Variants in SYT2 observed in about 807,000 individuals in gnomAD.
SYT2 encodes synaptotagmin 2.
SYT2 carries 15 observed loss-of-function variants against 39.9 expected under a neutral mutation model. The observed-to-expected ratio is 0.38, with a 90% CI of 0.25 to 0.58. SYT2 has a LOEUF of 0.58. SYT2 is among the 20% of genes least tolerant of loss of function. The pLI is 0.70. For missense variants in SYT2, 389 were observed against 530.3 expected, an observed-to-expected ratio of 0.73 and a Z score of 2.62; for synonymous variants, 181 against 204.5, an observed-to-expected ratio of 0.89 and a Z score of 0.98.
chr1:202,645,948 T>C (rs1490991232), intron 1 of SYT2, among the ~76,000 whole-genome samples: 1 of 152,202 alleles, frequency 6.6e-6, no homozygotes, highest in African/African-American at 2.4e-5. Flanking sequence ...ACTTGATTCT[T>C]ATCAACTTTC....
At chr1:202,635,709 G>A (rs889093000) in intron 1 of SYT2, among the ~76,000 whole-genome samples, 15 of 152,338 alleles carry the variant, frequency 9.8e-5, no homozygotes, top group African/African-American at 3.4e-4. Context: ...CTGTAGGACA[G>A]TGGGCATCAC....
At chr1:202,691,684 G>GGGGAGAGGGAGA (rs1169874133) in intron 1 of SYT2, among the ~76,000 whole-genome samples, 15 of 49,828 alleles carry the variant, frequency 3.0e-4, no homozygotes, top group African/African-American at 1.4e-3. Flanking sequence ...AGGGAGCGAG[G>GGGGAGAGGGAGA]GGGAGAGGGA....
intron 1 of SYT2, among the ~76,000 whole-genome samples, chr1:202,685,817 C>G (rs774584315): frequency 1.3e-5 from 2 of 152,124 alleles, no homozygotes; most frequent in Non-Finnish European, 2.9e-5. Context: ...GCTCCATTAA[C>G]TAGGGAAACA....
At chr1:202,602,353 G>C (rs755820756) in intron 5 of SYT2, 25 bp downstream of exon 5, 2 of 1,606,166 alleles carry the variant, frequency 1.2e-6, no homozygotes, top group Non-Finnish European at 1.7e-6. Flanking sequence ...CAGGGAGCTG[G>C]AGTCACCCTT....
chr1:202,604,935 A>G, intron 2 of SYT2: 1 of 282,740 alleles, frequency 3.5e-6, no homozygotes, highest in East Asian at 7.8e-5. Flanking sequence ...ATTGAGTTTT[A>G]CTAGTGTGAT....
At chr1:202,663,469 CCT>C (rs1278856536) in intron 1 of SYT2, among the ~76,000 whole-genome samples, 3 of 152,198 alleles carry the variant, frequency 2.0e-5, no homozygotes, top group East Asian at 1.9e-4. Context: ...TCCTGAATCC[CCT>C]GTGTCTGTCC....
rs183322399 is a variant in SYT2 at position 202,609,696 on chromosome 1, A to G, written c.-17-3907T>C. ...GGCTGCATAACTGTCTTCTTTCGAG[A>G]AGTGTCTGTTCATATCCTTTGCCCA... On this transcript the variant is annotated intron_variant, in intron 1 of 8. Coordinates refer to ENST00000367268, the MANE Select transcript of SYT2 (RefSeq NM_177402.5). Among the ~76,000 whole-genome samples the G allele has an allele frequency of 1.7e-3, 259 of 152,186 alleles. 1 individual carries two copies. The highest frequency in any genetic ancestry group is 6.0e-3 in the African/African-American group (248 of 41,504).
At chr1:202,638,257 C>T (rs1691798662) in intron 1 of SYT2, among the ~76,000 whole-genome samples, 1 of 152,010 alleles carries the variant, frequency 6.6e-6, no homozygotes, top group South Asian at 2.1e-4. Context: ...TCCCCCCCAG[C>T]CCCTCCCCAG....
At chr1:202,658,885 G>A (rs1371109459) in intron 1 of SYT2, among the ~76,000 whole-genome samples, 1 of 152,014 alleles carries the variant, frequency 6.6e-6, no homozygotes, top group Non-Finnish European at 1.5e-5. Context: ...TGAAGTGGCC[G>A]ATTTTCCCTT....
At chr1:202,690,609 G>GT (rs1653795691) in intron 1 of SYT2, among the ~76,000 whole-genome samples, 1 of 152,182 alleles carries the variant, frequency 6.6e-6, no homozygotes, top group African/African-American at 2.4e-5. Flanking sequence ...CAAGGACAAG[G>GT]TGGTCACATC....
At chr1:202,683,176 C>T (rs1388192421) in intron 1 of SYT2, among the ~76,000 whole-genome samples, 6 of 152,128 alleles carry the variant, frequency 3.9e-5, no homozygotes, top group Non-Finnish European at 7.4e-5. Flanking sequence ...AATGCATACC[C>T]TACAATGACC....
At position 202,672,973 on chromosome 1, in the gene SYT2, C is replaced by A. The variant is rs534112689; in HGVS notation, c.-18+37285G>T. ...AAGAAAAAGTCTTAAAAATGTAGAG[C>A]CGAAATAACCAAACTAGCAGCTGGG... On this transcript the variant is annotated intron_variant, in intron 1 of 8. Coordinates refer to ENST00000367268, the MANE Select transcript of SYT2 (RefSeq NM_177402.5). Among the ~76,000 whole-genome samples the A allele has an allele frequency of 1.1e-4, 16 of 151,844 alleles. No homozygotes were observed. In the South Asian group the frequency reaches 3.3e-3, roughly 32 times the overall value.
rs1572603650 is a variant in SYT2 at position 202,596,486 on chromosome 1, A to C, written c.*271T>G. 1 of 338,044 alleles carries C rather than the reference A, an allele frequency of 3.0e-6. No individual in the cohort carries two copies. Among genetic ancestry groups the C allele is most frequent in the East Asian group, 5.6e-5 (1 of 17,882 alleles). The allele number at this position is 338,044 out of a possible 1,614,324, so 20.9% of individuals were successfully genotyped here. On this transcript the variant is annotated 3_prime_UTR_variant, in exon 9 of 9. Transcript: ENST00000367268. Reference sequence around the variant, plus strand: ...TGAGGCAGATGTGAAGCTTTGAAAGAGTCGAGGGAACTGTGACAGGGCATG... The same window carrying C: ...TGAGGCAGATGTGAAGCTTTGAAAGCGTCGAGGGAACTGTGACAGGGCATG...
chr1:202,710,121 C>G (rs1306771007), intron 1 of SYT2, 137 bp downstream of exon 1: 1 of 152,298 alleles, frequency 6.6e-6, no homozygotes, highest in East Asian at 1.9e-4. Context: ...ACTCCCGGCC[C>G]CCTTGGCCTC....
In SYT2 at chr1:202,668,586, T is replaced by C. The variant is rs1692523879; in HGVS notation, c.-18+41672A>G. Reference sequence around the variant, plus strand: ...CAACATTCATTTATCAAGTGCTTACTACATGCCAGACCTGTGCTAGCCATT... The same window carrying C: ...CAACATTCATTTATCAAGTGCTTACCACATGCCAGACCTGTGCTAGCCATT... On this transcript the variant is annotated intron_variant, in intron 1 of 8. Transcript: ENST00000367268. Among the ~76,000 whole-genome samples the C allele has an allele frequency of 2.0e-5, 3 of 152,238 alleles. No homozygotes were observed. The South Asian group carries it at 6.2e-4, about 32-fold the overall frequency.
At chr1:202,678,119 CAAT>C (rs1653425816) in intron 1 of SYT2, among the ~76,000 whole-genome samples, 1 of 151,844 alleles carries the variant, frequency 6.6e-6, no homozygotes, top group African/African-American at 2.4e-5. Context: ...ACTAAAAATA[CAAT>C]AATTAGCCAG....
intron 1 of SYT2, among the ~76,000 whole-genome samples, chr1:202,691,729 GGGGGAGAGAGAGAGAGAGAGAGAGAGA>G (rs1653834554): frequency 4.3e-5 from 1 of 23,460 alleles, no homozygotes; most frequent in African/African-American, 9.7e-5. Flanking sequence ...GAGGGAGAGG[GGGGGAGAGAGAGAGAGAGAGAGAGAGA>G]GAGAGAGAGA....
chr1:202,710,080 C>A lies in SYT2; in HGVS notation c.-18+178G>T, dbSNP rs1008000702. Among the ~76,000 whole-genome samples the A allele has an allele frequency of 4.6e-5, 7 of 152,204 alleles. No individual in the cohort carries two copies. In the East Asian group the frequency reaches 1.4e-3, roughly 30 times the overall value. On this transcript the variant is annotated intron_variant, in intron 1 of 8. Transcript: ENST00000367268. ...CCCCGAGACGAACCTTCCATCCGGA[C>A]GCTTCCAAACTCCCCCAAAGGACGG...
intron 1 of SYT2, among the ~76,000 whole-genome samples, chr1:202,680,550 CACA>C (rs1558459508): frequency 6.6e-6 from 1 of 152,066 alleles, no homozygotes; most frequent in Non-Finnish European, 1.5e-5. Flanking sequence ...CAAAAAAACC[CACA>C]ACATTATCAC....
Sources: gnomAD v4.1 joint callset for allele counts (sites outside exome capture counted in the v4.1 genomes callset) on GRCh38, gnomAD v4.1.1 for gene constraint, MANE v1.5 for transcripts, NCBI Gene and HGNC (gene_info 2026-07-23, HGNC 2026-07-21) for gene names.